Variants in EPHA3 observed in about 807,000 individuals in gnomAD.
The protein encoded by EPHA3 is EPH receptor A3.
A neutral mutation model predicts 107.1 loss-of-function variants in EPHA3; 42 were observed. That is an observed-to-expected ratio of 0.39 (90% CI 0.31 to 0.51). EPHA3 has a LOEUF of 0.51. EPHA3 is among the 20% of genes least tolerant of loss of function. The pLI, the probability that EPHA3 is intolerant of heterozygous loss-of-function variation, is 0.78. For synonymous variants in EPHA3, 461 were observed against 424.8 expected (o/e 1.09, Z -1.05); for missense variants, 1,183 against 1,211.2 (o/e 0.98, Z 0.35).
At chr3:89,160,548 T>G (rs11929385) in intron 2 of EPHA3, among the ~76,000 whole-genome samples, 75,239 of 120,148 alleles carry the variant, frequency 0.63, 20,723 homozygotes, top group Admixed American at 0.71. Flanking sequence ...ATATTAGATT[T>G]TGTGTGTGTG....
chr3:89,471,877 G>T (rs888708964), intron 15 of EPHA3, among the ~76,000 whole-genome samples: 13 of 151,896 alleles, frequency 8.6e-5, no homozygotes, highest in African/African-American at 2.9e-4. Flanking sequence ...AAGTATGCAA[G>T]AATGTTTTTT....
intron 16 of EPHA3, among the ~76,000 whole-genome samples, chr3:89,476,802 G>T (rs1371088226): frequency 6.6e-6 from 1 of 151,498 alleles, no homozygotes; most frequent in Non-Finnish European, 1.5e-5. Flanking sequence ...TAGAGACGGG[G>T]TATCACCGCG....
intron 2 of EPHA3, among the ~76,000 whole-genome samples, chr3:89,193,587 C>T (rs1279473510): frequency 1.3e-5 from 2 of 151,836 alleles, no homozygotes; most frequent in Admixed American, 6.6e-5. Flanking sequence ...GGATATTGAA[C>T]ATTTCCAACA....
chr3:89,380,939 T>C (rs1447994651), intron 5 of EPHA3, among the ~76,000 whole-genome samples: 2 of 151,922 alleles, frequency 1.3e-5, no homozygotes, highest in South Asian at 2.1e-4. Flanking sequence ...CGGCTAATAG[T>C]AGTAGCTTTT....
chr3:89,363,232 A>G (rs1373203308), intron 5 of EPHA3, among the ~76,000 whole-genome samples: 1 of 150,622 alleles, frequency 6.6e-6, no homozygotes, highest in Admixed American at 6.7e-5. Context: ...GAATACACCA[A>G]TAGACTGTGT....
chr3:89,193,967 C>CTGCAGGATAGCTATTATT (rs1705778517), intron 2 of EPHA3, among the ~76,000 whole-genome samples: 1 of 151,898 alleles, frequency 6.6e-6, no homozygotes, highest in South Asian at 2.1e-4. Flanking sequence ...TTTGCTTGTA[C>CTGCAGGATAGCTATTATT]ACACATTCAC....
chr3:89,378,508 T>C (rs889249066), intron 5 of EPHA3, among the ~76,000 whole-genome samples: 1 of 152,154 alleles, frequency 6.6e-6, no homozygotes, highest in Non-Finnish European at 1.5e-5. Context: ...AAAAATCTCA[T>C]CATGAAAAGG....
intron 2 of EPHA3, among the ~76,000 whole-genome samples, chr3:89,189,737 C>G (rs1359100987): frequency 6.6e-6 from 1 of 152,166 alleles, no homozygotes; most frequent in African/African-American, 2.4e-5. Flanking sequence ...AAACAGAACC[C>G]TTGCTTTCAT....
chr3:89,315,617 TA>T (rs199911525), intron 3 of EPHA3, among the ~76,000 whole-genome samples: 10,708 of 127,122 alleles, frequency 0.084, 366 homozygotes, highest in Middle Eastern at 0.14. Flanking sequence ...TCCTTTTTAA[TA>T]AAAAAAAAAA....
intron 3 of EPHA3, among the ~76,000 whole-genome samples, chr3:89,259,242 C>T (rs1219215022): frequency 1.3e-5 from 2 of 152,142 alleles, no homozygotes; most frequent in African/African-American, 2.4e-5. Flanking sequence ...CCTGTGGCCA[C>T]CTTGCTGCTG....
chr3:89,346,617 T>G (rs1352099019), intron 5 of EPHA3, among the ~76,000 whole-genome samples: 40 of 150,934 alleles, frequency 2.7e-4, no homozygotes, highest in African/African-American at 6.5e-4. Context: ...AAGCTCTTTA[T>G]TTTAATTAGA....
chr3:89,357,519 G>A (rs1707992947), intron 5 of EPHA3, among the ~76,000 whole-genome samples: 1 of 150,880 alleles, frequency 6.6e-6, no homozygotes, highest in African/African-American at 2.4e-5. Context: ...TACTTTGTGG[G>A]CAAAGTTCGT....
At chr3:89,345,478 G>T (rs1707624036) in intron 5 of EPHA3, among the ~76,000 whole-genome samples, 1 of 151,020 alleles carries the variant, frequency 6.6e-6, no homozygotes, top group African/African-American at 2.4e-5. Context: ...ATTTCTCCTA[G>T]ATTAATAATT....
chr3:89,300,324 A>G (rs1706452330), intron 3 of EPHA3, among the ~76,000 whole-genome samples: 1 of 152,058 alleles, frequency 6.6e-6, no homozygotes, highest in African/African-American at 2.4e-5. Context: ...AGAATTGTCA[A>G]AATATCAAAC....
intron 7 of EPHA3, among the ~76,000 whole-genome samples, chr3:89,402,440 A>G (rs1708982411): frequency 6.6e-6 from 1 of 152,156 alleles, no homozygotes; most frequent in African/African-American, 2.4e-5. Context: ...TTATTTCACC[A>G]TAATATTTCC....
intron 13 of EPHA3, among the ~76,000 whole-genome samples, chr3:89,436,992 C>A (rs1246069396): frequency 6.6e-6 from 1 of 152,046 alleles, no homozygotes; most frequent in Non-Finnish European, 1.5e-5. Context: ...TTGATATTTT[C>A]CATTATACAA....
chr3:89,460,359 A>G (rs1710198611), intron 15 of EPHA3, among the ~76,000 whole-genome samples: 2 of 129,118 alleles, frequency 1.5e-5, no homozygotes, highest in Admixed American at 8.3e-5. Flanking sequence ...ACAATTCATG[A>G]CACAGACTTA....
intron 15 of EPHA3, among the ~76,000 whole-genome samples, chr3:89,467,434 C>G (rs144482106): frequency 6.6e-6 from 1 of 152,202 alleles, no homozygotes; most frequent in Admixed American, 6.5e-5. Context: ...CTTATTCATT[C>G]AAGAAATGTG....
At chr3:89,143,649 C>A (rs574563093) in intron 2 of EPHA3, among the ~76,000 whole-genome samples, 156 of 151,646 alleles carry the variant, frequency 1.0e-3, no homozygotes, top group African/African-American at 3.6e-3. Context: ...AGTTGCCATT[C>A]TCTCCACCTA....
Sources: gnomAD v4.1 joint callset for allele counts (sites outside exome capture counted in the v4.1 genomes callset) on GRCh38, gnomAD v4.1.1 for gene constraint, MANE v1.5 for transcripts, NCBI Gene and HGNC (gene_info 2026-07-23, HGNC 2026-07-21) for gene names.